PACRG: variants seen among roughly 807,000 people sequenced by gnomAD.
The protein encoded by PACRG is parkin coregulated gene protein.
In PACRG, 29 loss-of-function variants were observed where a neutral mutation model predicts 29.7. That is an observed-to-expected ratio of 0.98 (90% CI 0.73 to 1.33). The LOEUF is 1.33. Ranked by LOEUF, PACRG falls within the 40% of genes most tolerant of loss-of-function variation. The pLI is 0.00. For missense variants in PACRG, 279 were observed against 316.2 expected (o/e 0.88, Z 0.89); for synonymous variants, 116 against 118.7 (o/e 0.98, Z 0.15).
chr6:162,838,023 A>C (rs968766223), intron 2 of PACRG, among the ~76,000 whole-genome samples: 3 of 152,210 alleles, frequency 2.0e-5, no homozygotes, highest in African/African-American at 7.2e-5. Flanking sequence ...AGAAAAATGT[A>C]GGCAAGGAGG....
intron 1 of PACRG, among the ~76,000 whole-genome samples, chr6:162,798,619 T>A (rs1455950396): frequency 1.3e-5 from 2 of 152,150 alleles, no homozygotes; most frequent in Non-Finnish European, 2.9e-5. Context: ...CACTAGAAAT[T>A]ATATTAACTT....
At position 162,784,948 on chromosome 6, in the gene PACRG, A is replaced by G. The variant is rs144927075; in HGVS notation, c.157-29199A>G. 2.2e-3 allele frequency among the ~76,000 whole-genome samples: 335 copies of G among 152,296 alleles called. 1 individual carries two copies. The highest frequency in any genetic ancestry group is 7.6e-3 in the African/African-American group (315 of 41,562). On this transcript the variant is annotated intron_variant, in intron 1 of 4. Transcript: ENST00000366888. ...GATCAAAATCCTTACAGGTTTGGAA[A>G]ATCCAACTGCTTCTGAACTCAAATA...
chr6:162,885,154 C>A (rs981282973), intron 2 of PACRG, among the ~76,000 whole-genome samples: 1 of 151,782 alleles, frequency 6.6e-6, no homozygotes, highest in East Asian at 1.9e-4. Flanking sequence ...CAAGTTTGCA[C>A]AAAACACTGC....
At chr6:163,077,412 G>A (rs1264378532) in intron 3 of PACRG, among the ~76,000 whole-genome samples, 4 of 152,258 alleles carry the variant, frequency 2.6e-5, no homozygotes, top group Non-Finnish European at 2.9e-5. Flanking sequence ...AAGGGCAGGC[G>A]TGCACAGACA....
intron 2 of PACRG, among the ~76,000 whole-genome samples, chr6:163,000,689 G>A (rs1584976534): frequency 6.6e-6 from 1 of 152,086 alleles, no homozygotes; most frequent in African/African-American, 2.4e-5. Context: ...CTCAACAAAT[G>A]GAAATTCACG....
intron 4 of PACRG, among the ~76,000 whole-genome samples, chr6:163,161,269 G>A (rs1023511018): frequency 6.6e-6 from 1 of 151,776 alleles, no homozygotes; most frequent in Non-Finnish European, 1.5e-5. Context: ...GAAGCCTAAG[G>A]TTTTTATCCC....
intron 4 of PACRG, chr6:163,101,257 C>G: frequency 1.0e-6 from 1 of 981,272 alleles, no homozygotes; most frequent in Non-Finnish European, 1.2e-6. Context: ...ATTTAAAAAA[C>G]AAGATGTAAT....
chr6:163,297,755 G>A (rs1226073779), intron 4 of PACRG, among the ~76,000 whole-genome samples: 1 of 152,240 alleles, frequency 6.6e-6, no homozygotes, highest in East Asian at 1.9e-4. Context: ...GTAAACCTGA[G>A]CGCTGCACCC....
At chr6:163,175,703 C>A (rs1779313845) in intron 4 of PACRG, among the ~76,000 whole-genome samples, 1 of 148,396 alleles carries the variant, frequency 6.7e-6, no homozygotes, top group African/African-American at 2.5e-5. Flanking sequence ...TGTGAAACAT[C>A]AAGGAGTGTG....
At chr6:163,272,977 C>T (rs1182330639) in intron 4 of PACRG, among the ~76,000 whole-genome samples, 22 of 135,972 alleles carry the variant, frequency 1.6e-4, no homozygotes, top group East Asian at 6.3e-4. Context: ...CTGCAAGCTC[C>T]GCCTCCCGGG....
chr6:163,252,655 A>G (rs1203647604), intron 4 of PACRG, among the ~76,000 whole-genome samples: 2 of 152,190 alleles, frequency 1.3e-5, no homozygotes, highest in African/African-American at 4.8e-5. Context: ...TCAATTTGTC[A>G]ACTGGTTTAT....
At chr6:163,020,218 A>G (rs1337210221) in intron 2 of PACRG, among the ~76,000 whole-genome samples, 2 of 152,254 alleles carry the variant, frequency 1.3e-5, no homozygotes, top group East Asian at 3.8e-4. Flanking sequence ...TAATTAAAAC[A>G]GTTTTGATAA....
intron 4 of PACRG, among the ~76,000 whole-genome samples, chr6:163,121,663 CTTTTTTTTTTTT>C (rs771976364): frequency 7.9e-6 from 1 of 126,228 alleles, no homozygotes; most frequent in Non-Finnish European, 1.7e-5. Context: ...TCTCGGTAAT[CTTTTTTTTTTTT>C]TTTTTTTTGA....
In PACRG at chr6:163,038,720, A is replaced by G. The variant is rs114901717; in HGVS notation, c.292-23430A>G. ...AGGGTGACAGAATATAAACAAATAC[A>G]TAAGCATAATAAATGCCCTCATAGA... On this transcript the variant is annotated intron_variant, in intron 2 of 4. Coordinates refer to ENST00000366888, the MANE Select transcript of PACRG (RefSeq NM_001080379.2). Among the ~76,000 whole-genome samples, 781 of 152,332 alleles carry G rather than the reference A, an allele frequency of 5.1e-3. 8 individuals are homozygous for G. The highest frequency in any genetic ancestry group is 0.017 in the African/African-American group (725 of 41,572).
chr6:163,108,800 A>G (rs1310477291), intron 4 of PACRG, among the ~76,000 whole-genome samples: 3 of 152,350 alleles, frequency 2.0e-5, no homozygotes, highest in Non-Finnish European at 2.9e-5. Flanking sequence ...ATACAAATAC[A>G]GGAAATGTAG....
Position 162,777,964 on chromosome 6 carries a change from C to G in PACRG, c.157-36183C>G, listed in dbSNP as rs1783778017. On this transcript the variant is annotated intron_variant, in intron 1 of 4. Transcript: ENST00000366888. The surrounding 1 kb of genome is among the most constrained non-coding windows in gnomAD (Gnocchi z 4.0). ...TTTGTAGTGAACACATCCTTTGGGC[C>G]AAACACTGTTTTGGCCCGTAAGTAT... 6.6e-6 allele frequency among the ~76,000 whole-genome samples: 1 copy of G among 152,036 alleles called. No individual in the cohort carries two copies. The highest frequency in any genetic ancestry group is 1.5e-5 in the Non-Finnish European group (1 of 68,032).
chr6:163,087,963 A>G, intron 3 of PACRG, among the ~76,000 whole-genome samples: 1 of 152,222 alleles, frequency 6.6e-6, no homozygotes, highest in East Asian at 1.9e-4. Context: ...ATTTGGTAAC[A>G]TGAGGAATGC....
chr6:162,981,075 T>C (rs1374195465), intron 2 of PACRG, among the ~76,000 whole-genome samples: 1 of 151,958 alleles, frequency 6.6e-6, no homozygotes, highest in East Asian at 1.9e-4. Context: ...GTCCATTATA[T>C]CATTCTCATG....
At chr6:162,746,365 A>T (rs1020134397) in intron 1 of PACRG, among the ~76,000 whole-genome samples, 1 of 152,338 alleles carries the variant, frequency 6.6e-6, no homozygotes, top group Non-Finnish European at 1.5e-5. Flanking sequence ...TTTGAATATA[A>T]CACGGTATTT....
Sources: gnomAD v4.1 joint callset for allele counts (sites outside exome capture counted in the v4.1 genomes callset) on GRCh38, gnomAD v4.1.1 for gene constraint, Gnocchi (gnomAD v3.1) non-coding constraint, MANE v1.5 for transcripts, NCBI Gene and HGNC (gene_info 2026-07-23, HGNC 2026-07-21) for gene names.